LRP1B: variants seen among roughly 807,000 people sequenced by gnomAD.
LRP1B encodes the protein LDL receptor related protein 1B, also known as low-density lipoprotein receptor-related protein 1B.
In LRP1B, 217 loss-of-function variants were observed where a neutral mutation model predicts 556.6. The observed-to-expected ratio is 0.39, with a 90% CI of 0.35 to 0.44. The LOEUF (loss-of-function observed/expected upper bound fraction) is 0.44. Among genes scored for constraint, LRP1B ranks in the 20% least tolerant of loss-of-function variants. The pLI is 1.00. For synonymous variants in LRP1B, 2,047 were observed against 1,865.8 expected (o/e 1.10, Z -2.50); for missense variants, 5,053 against 5,620.8 (o/e 0.90, Z 3.23).
intron 1 of LRP1B, among the ~76,000 whole-genome samples, chr2:141,982,808 T>C (rs2105097991): frequency 6.6e-6 from 1 of 152,288 alleles, no homozygotes; most frequent in African/African-American, 2.4e-5. Context: ...CTTCAAAATG[T>C]GGCCTGAAAA....
intron 41 of LRP1B, among the ~76,000 whole-genome samples, chr2:140,640,356 T>C: frequency 6.9e-6 from 1 of 144,824 alleles, no homozygotes; most frequent in South Asian, 2.3e-4. Context: ...TTTGCTTTCA[T>C]CATCCACTAT....
At chr2:142,114,827 T>G (rs1265986038) in intron 1 of LRP1B, among the ~76,000 whole-genome samples, 1 of 152,070 alleles carries the variant, frequency 6.6e-6, no homozygotes, top group African/African-American at 2.4e-5. Flanking sequence ...GAAAAAGATC[T>G]GGTGTTTGAT....
At chr2:141,270,158 T>C (rs760225678) in intron 3 of LRP1B, among the ~76,000 whole-genome samples, 16 of 152,030 alleles carry the variant, frequency 1.1e-4, no homozygotes, top group Non-Finnish European at 2.1e-4. Flanking sequence ...GATACGCAAA[T>C]TGCCAATAAT....
chr2:141,241,210 C>T (rs775814273), intron 5 of LRP1B, among the ~76,000 whole-genome samples: 1 of 151,952 alleles, frequency 6.6e-6, no homozygotes, highest in East Asian at 1.9e-4. Flanking sequence ...GAATGATTGG[C>T]CAGAAAAGAT....
rs755403001 is a variant in LRP1B, at chr2:140,770,921, T to G, written c.5586A>C (p.Thr1862=). 2 of 1,579,198 alleles carry G rather than the reference T, an allele frequency of 1.3e-6. No individual in the cohort carries two copies. Residue 1862 remains threonine (T), a synonymous_variant, in exon 34 of 91, where the codon ACA becomes ACC. Transcript: ENST00000389484. ...TSETTRTCMC[T]VGYYLQKNRM... ...GGTTCTTTTGGAGATAATATCCCAC[T>G]GTACACATACAAGTCCTTGTAGTTT...
In LRP1B at chr2:140,907,961, C is replaced by G. The variant is rs746414504; in HGVS notation, c.3436G>C (p.Asp1146His). 1.9e-6 allele frequency: 3 copies of G among 1,613,610 alleles called. No individual in the cohort carries two copies. The highest frequency in any genetic ancestry group is 1.7e-6 in the Non-Finnish European group (2 of 1,179,724). The change falls in exon 22 of 91, where the codon GAC becomes CAC. Residue 1146 changes from aspartate (D) to histidine (H), a missense_variant. Asp to His is a moderately conservative substitution (Grantham distance 81, BLOSUM62 -1). Around this residue, in one of 5 missense-constraint regions of LRP1B, gnomAD observed 3,619 missense variants for 3,931.9 expected, o/e 0.92. Transcript: ENST00000389484. ...TCTGGCTGCAGGCAGACTGAGGTGT[C>G]ATTAGCACAAGGATGCTTGGGTGGT... is the stretch of plus-strand genomic sequence containing the variant. ...CGPPKHPCANDTSVCLQPEKL... is the reference protein window; with the variant it reads ...CGPPKHPCANHTSVCLQPEKL...
chr2:140,289,217 A>G (rs1009923101), intron 84 of LRP1B, among the ~76,000 whole-genome samples: 1 of 152,004 alleles, frequency 6.6e-6, no homozygotes, highest in African/African-American at 2.4e-5. Flanking sequence ...CAATTATGTG[A>G]AAAATAATGG....
chr2:140,492,833 C>G (rs1688759453), intron 56 of LRP1B, 140 bp from the exon 57 acceptor site: 1 of 609,924 alleles, frequency 1.6e-6, no homozygotes, highest in African/African-American at 1.8e-5. Context: ...AAGGATCATA[C>G]TGAGCAACGT....
chr2:141,122,686 G>C (rs1701090940), intron 7 of LRP1B, among the ~76,000 whole-genome samples: 1 of 152,214 alleles, frequency 6.6e-6, no homozygotes, highest in African/African-American at 2.4e-5. Flanking sequence ...GTGGAAGACA[G>C]TGTGGCGATT....
intron 43 of LRP1B, among the ~76,000 whole-genome samples, chr2:140,564,332 G>C (rs1346557809): frequency 1.3e-5 from 2 of 151,888 alleles, no homozygotes; most frequent in Non-Finnish European, 2.9e-5. Context: ...AATATGTATT[G>C]TTTTCCACAT....
intron 31 of LRP1B, among the ~76,000 whole-genome samples, chr2:140,829,806 A>G (rs1403259838): frequency 6.6e-6 from 1 of 152,032 alleles, no homozygotes; most frequent in African/African-American, 2.4e-5. Context: ...AGAATAAAAA[A>G]TAATATAAAA....
chr2:141,959,735 T>A (rs1371542261), intron 1 of LRP1B, among the ~76,000 whole-genome samples: 2 of 151,992 alleles, frequency 1.3e-5, no homozygotes, highest in Non-Finnish European at 2.9e-5. Flanking sequence ...CATTTTTGTA[T>A]TAAGTCTTTG....
intron 2 of LRP1B, among the ~76,000 whole-genome samples, chr2:141,664,746 G>C (rs1312580049): frequency 6.6e-6 from 1 of 152,108 alleles, no homozygotes; most frequent in African/African-American, 2.4e-5. Context: ...TCATGGATAG[G>C]ACAAATCAAT....
At chr2:141,205,429 G>T (rs1682233299) in intron 6 of LRP1B, among the ~76,000 whole-genome samples, 1 of 152,114 alleles carries the variant, frequency 6.6e-6, no homozygotes, top group Non-Finnish European at 1.5e-5. Context: ...AGAAGCTCAG[G>T]CTCTCCACAT....
At chr2:141,198,745 T>C (rs2105219595) in intron 6 of LRP1B, among the ~76,000 whole-genome samples, 1 of 152,204 alleles carries the variant, frequency 6.6e-6, no homozygotes, top group East Asian at 1.9e-4. Flanking sequence ...GGTTATCCCT[T>C]CCCTACAGCA....
chr2:141,036,053 C>G (rs1187941217), intron 11 of LRP1B, among the ~76,000 whole-genome samples: 1 of 152,018 alleles, frequency 6.6e-6, no homozygotes, highest in African/African-American at 2.4e-5. Context: ...TAACAATAAG[C>G]GTAAACCCAA....
intron 21 of LRP1B, among the ~76,000 whole-genome samples, chr2:140,911,852 G>A (rs1034268023): frequency 1.3e-5 from 2 of 151,670 alleles, no homozygotes; most frequent in African/African-American, 4.8e-5. Flanking sequence ...AATGACCTTA[G>A]AATTGTTTCA....
chr2:141,433,552 T>C (rs955306343), intron 3 of LRP1B, among the ~76,000 whole-genome samples: 6 of 152,094 alleles, frequency 3.9e-5, no homozygotes, highest in African/African-American at 1.4e-4. Flanking sequence ...TGCTAAGTTG[T>C]TTGTTGATAG....
At chr2:142,007,332 G>A (rs1269632269) in intron 1 of LRP1B, among the ~76,000 whole-genome samples, 1 of 152,068 alleles carries the variant, frequency 6.6e-6, no homozygotes, top group East Asian at 1.9e-4. Context: ...TAACATTAAA[G>A]GATATTGTGC....
Sources: allele counts gnomAD v4.1 joint callset (sites outside exome capture counted in the v4.1 genomes callset), GRCh38; gene constraint gnomAD v4.1.1; regional missense constraint gnomAD v4.1.1; transcripts MANE v1.5; gene names NCBI Gene and HGNC (gene_info 2026-07-23, HGNC 2026-07-21).